Variants in PTCHD4 observed in about 807,000 individuals in gnomAD.
PTCHD4 encodes the protein patched domain containing 4, also known as patched domain-containing protein 4.
Under a neutral mutation model 58.1 loss-of-function variants are expected in PTCHD4, and 33 were observed. That is an observed-to-expected ratio of 0.57 (90% confidence interval 0.43 to 0.76). The LOEUF (loss-of-function observed/expected upper bound fraction) is 0.76. Among genes scored for constraint, PTCHD4 ranks in the 30% least tolerant of loss-of-function variants. PTCHD4 has a pLI of 0.00. For missense variants in PTCHD4, 1,058 were observed against 1,027.1 expected (o/e 1.03, Z -0.41); for synonymous variants, 478 against 409.6 (o/e 1.17, Z -2.02).
chr6:47,893,840 G>A (rs951246377), intron 4 of PTCHD4, among the ~76,000 whole-genome samples: 1 of 152,164 alleles, frequency 6.6e-6, no homozygotes, highest in African/African-American at 2.4e-5. Context: ...TTTGAAATTT[G>A]TCTTTTTTGT....
rs563923954 is a variant in PTCHD4, at chr6:47,927,449, G to A, written c.899-47513C>T. Among the ~76,000 whole-genome samples the A allele has an allele frequency of 9.9e-5, 15 of 152,256 alleles. No individual in the cohort carries two copies. The East Asian group carries it at 2.9e-3, about 29-fold the overall frequency. On this transcript the variant is annotated intron_variant, in intron 4 of 4. Transcript: ENST00000339488. ...TCAGGGATGCAACTAATTTTTGCTT[G>A]AGCCCTTTGCCAAACAATATTATTT...
intron 4 of PTCHD4, among the ~76,000 whole-genome samples, chr6:47,920,851 A>G (rs1218373907): frequency 6.6e-5 from 10 of 152,190 alleles, no homozygotes; most frequent in Admixed American, 6.5e-4. Flanking sequence ...AGAAAAGGAT[A>G]AGATAAGGAA....
At chr6:47,931,168 G>A (rs1765807659) in intron 4 of PTCHD4, among the ~76,000 whole-genome samples, 1 of 152,208 alleles carries the variant, frequency 6.6e-6, no homozygotes, top group South Asian at 2.1e-4. Flanking sequence ...AAGCGTTCCT[G>A]AATGAGGGAC....
chr6:48,073,767 G>A, intron 1 of PTCHD4, among the ~76,000 whole-genome samples: 1 of 152,114 alleles, frequency 6.6e-6, no homozygotes, highest in East Asian at 1.9e-4. Context: ...ACACCTGGGA[G>A]GTTTTGATGG....
chr6:48,003,608 C>T (rs920159183), intron 4 of PTCHD4, among the ~76,000 whole-genome samples: 1 of 152,170 alleles, frequency 6.6e-6, no homozygotes, highest in Non-Finnish European at 1.5e-5. Context: ...ATTATTCTTG[C>T]CCCATTGCAA....
chr6:47,917,593 A>G (rs142245861), intron 4 of PTCHD4, among the ~76,000 whole-genome samples: 1 of 152,254 alleles, frequency 6.6e-6, no homozygotes, highest in African/African-American at 2.4e-5. Context: ...TGATTCTACT[A>G]TGCATATACT....
At chr6:47,959,515 G>C (rs1766999832) in intron 4 of PTCHD4, among the ~76,000 whole-genome samples, 1 of 152,194 alleles carries the variant, frequency 6.6e-6, no homozygotes, top group South Asian at 2.1e-4. Context: ...TGAAAATGTA[G>C]TAGCCAAAGG....
Position 48,008,651 on chromosome 6 carries a change from AT to A in PTCHD4, c.880del (p.Ile294SerfsTer33). The A allele has an allele frequency of 6.2e-7, 1 of 1,613,162 alleles. No individual in the cohort carries two copies. Among genetic ancestry groups the A allele is most frequent in the Non-Finnish European group, 8.5e-7 (1 of 1,179,538 alleles). On this transcript the variant is annotated frameshift_variant, in exon 4 of 5. Coordinates refer to ENST00000339488, the MANE Select transcript of PTCHD4 (RefSeq NM_001384253.1). LOFTEE classifies it high-confidence loss of function. ...DGKYNSTLLG[I>X]PFFAMGHGTK... is the part of the protein sequence containing the mutation. ...ATAGTTACCCATGGCGAAGAACGGG[AT>A]TCCCAGCAGGGTGGAGTTGTACTTT...
intron 4 of PTCHD4, among the ~76,000 whole-genome samples, chr6:47,990,002 G>A (rs1473942545): frequency 6.6e-6 from 1 of 152,208 alleles, no homozygotes; most frequent in East Asian, 1.9e-4. Context: ...CAGGGGTGGA[G>A]CTGCCAAGAC....
chr6:48,059,056 C>A (rs976607641), intron 3 of PTCHD4, among the ~76,000 whole-genome samples: 1 of 152,176 alleles, frequency 6.6e-6, no homozygotes, highest in Non-Finnish European at 1.5e-5. Context: ...AAGAACTTAA[C>A]CCACTAGCAT....
In PTCHD4 at chr6:47,866,314, A is replaced by G. The variant is rs554288154; in HGVS notation, c.*11989T>C. Among the ~76,000 whole-genome samples the G allele has an allele frequency of 6.6e-6, 1 of 152,004 alleles. No homozygotes were observed. Among genetic ancestry groups the G allele is most frequent in the African/African-American group, 2.4e-5 (1 of 41,536 alleles). ...AATCACTATGGGAACTCCCAGAAGTACTGAGGTTGGGTCTCGCTATAGGAT... is the reference window on the plus strand; with the variant it reads ...AATCACTATGGGAACTCCCAGAAGTGCTGAGGTTGGGTCTCGCTATAGGAT... On this transcript the variant is annotated 3_prime_UTR_variant, in exon 5 of 5. Coordinates refer to ENST00000339488, the MANE Select transcript of PTCHD4 (RefSeq NM_001384253.1).
At chr6:47,910,224 G>A (rs372399506) in intron 4 of PTCHD4, among the ~76,000 whole-genome samples, 15 of 152,202 alleles carry the variant, frequency 9.9e-5, no homozygotes, top group African/African-American at 2.6e-4. Flanking sequence ...TTTATGATAT[G>A]ATGGATCAGC....
intron 1 of PTCHD4, among the ~76,000 whole-genome samples, chr6:48,088,875 C>A (rs1048709127): frequency 5.9e-5 from 9 of 152,094 alleles, no homozygotes; most frequent in African/African-American, 2.2e-4. Flanking sequence ...AAAACCCTGT[C>A]TCTCCTAAAA....
At chr6:47,992,195 A>T (rs1270351809) in intron 4 of PTCHD4, among the ~76,000 whole-genome samples, 1 of 152,274 alleles carries the variant, frequency 6.6e-6, no homozygotes, top group East Asian at 1.9e-4. Context: ...TTTAAAACAG[A>T]AAACTATTTC....
At chr6:48,042,870 CTG>C (rs1319345729) in intron 3 of PTCHD4, among the ~76,000 whole-genome samples, 1 of 151,916 alleles carries the variant, frequency 6.6e-6, no homozygotes, top group Non-Finnish European at 1.5e-5. Context: ...GCACCTCAGA[CTG>C]TTACCTGACT....
intron 4 of PTCHD4, among the ~76,000 whole-genome samples, chr6:47,966,000 G>A (rs1290793360): frequency 6.6e-6 from 1 of 152,142 alleles, no homozygotes; most frequent in Non-Finnish European, 1.5e-5. Flanking sequence ...TGATGTAAGT[G>A]CATTGAGGAA....
At chr6:47,985,728 A>G (rs1768042459) in intron 4 of PTCHD4, among the ~76,000 whole-genome samples, 1 of 142,802 alleles carries the variant, frequency 7.0e-6, no homozygotes, top group East Asian at 2.1e-4. Context: ...ATTTCAGCAT[A>G]AAGATTTTCA....
intron 1 of PTCHD4, among the ~76,000 whole-genome samples, chr6:48,105,464 A>T (rs1417409261): frequency 1.3e-5 from 2 of 152,228 alleles, no homozygotes. Context: ...ATAGAGGGAA[A>T]TTTATAGCAC....
chr6:47,924,651 G>C (rs984772174), intron 4 of PTCHD4, among the ~76,000 whole-genome samples: 1 of 152,146 alleles, frequency 6.6e-6, no homozygotes, highest in African/African-American at 2.4e-5. Flanking sequence ...TCTGTAACTA[G>C]TAGCTCAAAA....
Sources: gnomAD v4.1 joint callset for allele counts (sites outside exome capture counted in the v4.1 genomes callset) on GRCh38, gnomAD v4.1.1 for gene constraint, MANE v1.5 for transcripts, NCBI Gene and HGNC (gene_info 2026-07-23, HGNC 2026-07-21) for gene names.